The following EVI5 variants were observed in gnomAD, a reference collection of about 807,000 sequenced individuals.
The protein encoded by EVI5 is ecotropic viral integration site 5 protein homolog.
EVI5 carries 73 observed loss-of-function variants against 112.0 expected under a neutral mutation model. The observed-to-expected ratio is 0.65, with a 90% CI of 0.54 to 0.79. The LOEUF (loss-of-function observed/expected upper bound fraction) is 0.79, where lower values mean the gene tolerates loss of function less well. Among genes scored for constraint, EVI5 ranks in the 30% least tolerant of loss-of-function variants. The pLI is 0.00. For missense variants in EVI5, 900 were observed against 968.8 expected (o/e 0.93, Z 0.94); for synonymous variants, 305 against 319.9 (o/e 0.95, Z 0.50).
chr1:92,588,116 A>T (rs1673108985), intron 18 of EVI5, among the ~76,000 whole-genome samples: 1 of 152,232 alleles, frequency 6.6e-6, no homozygotes. Flanking sequence ...CAGTAATAAG[A>T]GGAAACTTAA....
At chr1:92,525,237 T>A (rs1446508203) in intron 19 of EVI5, among the ~76,000 whole-genome samples, 1 of 149,718 alleles carries the variant, frequency 6.7e-6, no homozygotes, top group East Asian at 2.0e-4. Context: ...AAGATATGAG[T>A]CAGTTCAGAA....
At chr1:92,546,294 A>G (rs938469829) in intron 19 of EVI5, among the ~76,000 whole-genome samples, 1 of 152,250 alleles carries the variant, frequency 6.6e-6, no homozygotes, top group African/African-American at 2.4e-5. Context: ...ACTAGAATCC[A>G]GGTCCCCTGA....
intron 1 of EVI5, among the ~76,000 whole-genome samples, chr1:92,783,843 G>C (rs917923119): frequency 6.9e-6 from 1 of 145,556 alleles, no homozygotes. Flanking sequence ...AAAAGAAAAA[G>C]AAAAAGAGCT....
chr1:92,555,160 G>A lies in EVI5; in HGVS notation c.2166+8482C>T, dbSNP rs184834277. 2.2e-3 allele frequency among the ~76,000 whole-genome samples: 329 copies of A among 152,258 alleles called. 3 individuals carry two copies. Among genetic ancestry groups the A allele is most frequent in the African/African-American group, 7.5e-3 (313 of 41,544 alleles). The stretch of plus-strand genomic sequence containing the variant: ...GGGGGATAAAAACCCTATTTACTTG[G>A]TTGTATGAGATCCTGAAACTTCTGC... On this transcript the variant is annotated intron_variant, in intron 19 of 19. Coordinates refer to ENST00000684568, the MANE Select transcript of EVI5 (RefSeq NM_001350197.2).
chr1:92,678,069 G>C (rs1025084419), intron 9 of EVI5, among the ~76,000 whole-genome samples: 1 of 152,090 alleles, frequency 6.6e-6, no homozygotes, highest in East Asian at 1.9e-4. Context: ...AGGCAGGGAG[G>C]GGGACAAGGG....
intron 6 of EVI5, among the ~76,000 whole-genome samples, chr1:92,697,514 TGATGTCAGTGTAATATCATAAAG>T (rs1280962253): frequency 1.3e-5 from 2 of 152,204 alleles, no homozygotes; most frequent in African/African-American, 2.4e-5. Flanking sequence ...GTAAATGGAC[TGATGTCAGTGTAATATCATAAAG>T]CTCCTGTAAG....
intron 1 of EVI5, among the ~76,000 whole-genome samples, chr1:92,770,781 C>CT (rs1683307015): frequency 6.6e-6 from 1 of 151,684 alleles, no homozygotes; most frequent in African/African-American, 2.4e-5. Flanking sequence ...CAGAGCGGGA[C>CT]TCCATCTCAA....
At chr1:92,531,898 A>G (rs989983817) in intron 19 of EVI5, among the ~76,000 whole-genome samples, 4 of 152,218 alleles carry the variant, frequency 2.6e-5, no homozygotes, top group Non-Finnish European at 5.9e-5. Flanking sequence ...CAAAATAACC[A>G]GCTAGCATCA....
intron 18 of EVI5, among the ~76,000 whole-genome samples, chr1:92,568,165 G>A (rs368039931): frequency 6.6e-5 from 10 of 151,892 alleles, no homozygotes; most frequent in African/African-American, 2.4e-4. Context: ...TTGAGCCCAC[G>A]AGTTCAAAAC....
Position 92,704,723 on chromosome 1 carries a change from CT to C in EVI5, c.170del (p.Lys57SerfsTer3). The C allele has an allele frequency of 6.4e-7, 1 of 1,564,562 alleles. No individual in the cohort carries two copies. The highest frequency in any genetic ancestry group is 8.7e-7 in the Non-Finnish European group (1 of 1,152,476). ...TTGACCCATTTACAGATCTTAAAGACTTACTATCCGTTTCTAACAATCTAAA... is the reference window on the plus strand; with the variant it reads ...TTGACCCATTTACAGATCTTAAAGACTACTATCCGTTTCTAACAATCTAAA... Reference protein sequence around the residue: ...EQNRLLETDSKSLRSVNGSRR... With the variant: ...EQNRLLETDSXSLRSVNGSRR... On this transcript the variant is annotated frameshift_variant, in exon 3 of 20. Coordinates refer to ENST00000684568, the MANE Select transcript of EVI5 (RefSeq NM_001350197.2). LOFTEE classifies it high-confidence loss of function.
intron 1 of EVI5, among the ~76,000 whole-genome samples, chr1:92,742,339 C>T (rs888625509): frequency 6.6e-6 from 1 of 151,966 alleles, no homozygotes; most frequent in Non-Finnish European, 1.5e-5. Flanking sequence ...GTACTATAGG[C>T]ACGAGCCACT....
intron 5 of EVI5, among the ~76,000 whole-genome samples, chr1:92,701,887 T>A (rs6604006): frequency 0.92 from 111,884 of 121,644 alleles, 51,750 homozygotes; most frequent in East Asian, 0.97. Flanking sequence ...TACTGTAGAT[T>A]CAAGCTTTAG....
At chr1:92,671,522 G>A (rs183052310) in intron 10 of EVI5, among the ~76,000 whole-genome samples, 1 of 152,182 alleles carries the variant, frequency 6.6e-6, no homozygotes, top group East Asian at 1.9e-4. Flanking sequence ...TTTGAGCTTG[G>A]CTTCTTTTAA....
intron 2 of EVI5, among the ~76,000 whole-genome samples, chr1:92,725,453 G>A (rs1675419248): frequency 6.6e-6 from 1 of 152,136 alleles, no homozygotes; most frequent in South Asian, 2.1e-4. Flanking sequence ...TAGGAAAATA[G>A]AAAATAGTCA....
At chr1:92,542,304 C>T (rs755198270) in intron 19 of EVI5, among the ~76,000 whole-genome samples, 1 of 152,106 alleles carries the variant, frequency 6.6e-6, no homozygotes, top group African/African-American at 2.4e-5. Context: ...AGCAACTCCT[C>T]GTCCATTCAA....
chr1:92,704,637 A>G lies in EVI5; in HGVS notation c.257T>C (p.Leu86Pro), dbSNP rs770690859. The G allele has an allele frequency of 1.9e-6, 3 of 1,604,896 alleles. No individual in the cohort carries two copies. The Admixed American group carries it at 5.1e-5, about 27-fold the overall frequency. Residue 86 changes from leucine (L) to proline (P), a missense_variant, in exon 3 of 20, where the codon CTT becomes CCT. Leu to Pro is a moderately conservative substitution (Grantham distance 98, BLOSUM62 -3). Transcript: ENST00000684568. ...SSSASSNLSHLEEDSWILWGR... is the reference protein window; with the variant it reads ...SSSASSNLSHPEEDSWILWGR... ...CCAAAGAATCCAAGAATCTTCTTCAAGGTGACTGAGGTTGCTAGAGGCTGA... is the reference window on the plus strand; with the variant it reads ...CCAAAGAATCCAAGAATCTTCTTCAGGGTGACTGAGGTTGCTAGAGGCTGA...
intron 2 of EVI5, among the ~76,000 whole-genome samples, chr1:92,726,578 A>G (rs551033384): frequency 1.6e-4 from 25 of 152,202 alleles, no homozygotes; most frequent in Admixed American, 7.2e-4. Context: ...AAGTATTTCA[A>G]GAAGGAAATA....
rs571928108 is a variant in EVI5, at chr1:92,593,657, A to G, written c.2070+11650T>C. On this transcript the variant is annotated intron_variant, in intron 18 of 19. Transcript: ENST00000684568. The stretch of plus-strand genomic sequence containing the variant: ...CCCTGTTTGCAGATGACATGATTGT[A>G]TATCTAGAAAACCCCATCGTCTCAG... Among the ~76,000 whole-genome samples, 265 of 152,268 alleles carry G rather than the reference A, an allele frequency of 1.7e-3. 1 individual carries two copies. Among genetic ancestry groups the G allele is most frequent in the African/African-American group, 5.8e-3 (242 of 41,538 alleles).
At chr1:92,610,223 C>T (rs1203523965) in intron 16 of EVI5, among the ~76,000 whole-genome samples, 1 of 152,146 alleles carries the variant, frequency 6.6e-6, no homozygotes, top group African/African-American at 2.4e-5. Context: ...AGTCTGTCTA[C>T]AAAATTAACT....
Sources: allele counts gnomAD v4.1 joint callset (sites outside exome capture counted in the v4.1 genomes callset), GRCh38; gene constraint gnomAD v4.1.1; transcripts MANE v1.5; gene names NCBI Gene and HGNC (gene_info 2026-07-23, HGNC 2026-07-21).